DCC: variants seen among roughly 807,000 people sequenced by gnomAD.
DCC encodes the protein netrin receptor DCC.
In DCC, 58 loss-of-function variants were observed where a neutral mutation model predicts 172.5. That is an observed-to-expected ratio of 0.34 (90% CI 0.27 to 0.42). The LOEUF (loss-of-function observed/expected upper bound fraction) is 0.42. Ranked by LOEUF, DCC falls within the 10% of genes least tolerant of loss-of-function variation. DCC has a pLI of 1.00. For synonymous variants in DCC, 709 were observed against 644.5 expected, an observed-to-expected ratio of 1.10 and a Z score of -1.52; for missense variants, 1,740 against 1,791.0, an observed-to-expected ratio of 0.97 and a Z score of 0.51.
Position 52,512,604 on chromosome 18 carries a change from C to A in DCC, c.91+171726C>A, listed in dbSNP as rs1179404650. Among the ~76,000 whole-genome samples, 3 of 152,164 alleles carry A rather than the reference C, an allele frequency of 2.0e-5. No individual in the cohort carries two copies. The South Asian group carries it at 6.2e-4, about 32-fold the overall frequency. On this transcript the variant is annotated intron_variant, in intron 1 of 28. Transcript: ENST00000442544. The stretch of plus-strand genomic sequence containing the variant: ...CATTGTCATATTTCTTGAACACCTA[C>A]TATGTGCCAGATAAAAATTATGAGC...
At chr18:52,856,286 A>G (rs137911154) in intron 2 of DCC, among the ~76,000 whole-genome samples, 1 of 152,064 alleles carries the variant, frequency 6.6e-6, no homozygotes, top group Non-Finnish European at 1.5e-5. Flanking sequence ...TGTCTTTTTA[A>G]GATGTTTATG....
intron 1 of DCC, among the ~76,000 whole-genome samples, chr18:52,580,009 T>A (rs1194736846): frequency 6.6e-6 from 1 of 152,222 alleles, no homozygotes. Context: ...ATTGGACATA[T>A]GCTTTTGCAA....
intron 15 of DCC, among the ~76,000 whole-genome samples, chr18:53,371,417 C>G (rs1043585438): frequency 2.7e-4 from 41 of 151,920 alleles, no homozygotes; most frequent in African/African-American, 9.9e-4. Context: ...TAGTCAAAAG[C>G]ATGATTGCAT....
intron 1 of DCC, among the ~76,000 whole-genome samples, chr18:52,639,464 T>TG (rs2034848147): frequency 6.6e-6 from 1 of 151,528 alleles, no homozygotes; most frequent in Non-Finnish European, 1.5e-5. Flanking sequence ...CACTGAGAAA[T>TG]AAAACAGGAG....
intron 13 of DCC, among the ~76,000 whole-genome samples, chr18:53,309,564 C>G (rs12958026): frequency 1.3e-5 from 2 of 152,138 alleles, no homozygotes; most frequent in African/African-American, 4.8e-5. Context: ...ATTGTATCTT[C>G]TAATAAACTT....
intron 2 of DCC, among the ~76,000 whole-genome samples, chr18:52,820,667 T>C (rs190076140): frequency 6.6e-6 from 1 of 152,224 alleles, no homozygotes; most frequent in Admixed American, 6.5e-5. Context: ...CAGCATTAAG[T>C]TCAAATAGGA....
chr18:53,337,623 T>C (rs2144863663), intron 14 of DCC, among the ~76,000 whole-genome samples: 1 of 152,356 alleles, frequency 6.6e-6, no homozygotes, highest in Admixed American at 6.5e-5. Context: ...GCTTTCCCTT[T>C]TTGCCCACAA....
chr18:53,064,654 T>C (rs1303894336), intron 6 of DCC, among the ~76,000 whole-genome samples: 1 of 152,224 alleles, frequency 6.6e-6, no homozygotes, highest in Middle Eastern at 3.2e-3. Context: ...AAGGACATTT[T>C]ATCACTTTTA....
chr18:53,030,300 A>G (rs946557473), intron 5 of DCC, among the ~76,000 whole-genome samples: 9 of 152,182 alleles, frequency 5.9e-5, no homozygotes, highest in Non-Finnish European at 1.2e-4. Context: ...ACATCTCAGT[A>G]CATTTTCTAA....
chr18:53,441,873 C>T (rs949984667), intron 22 of DCC, among the ~76,000 whole-genome samples: 5 of 152,180 alleles, frequency 3.3e-5, no homozygotes, highest in Non-Finnish European at 5.9e-5. Flanking sequence ...TTTAAGATAA[C>T]TGAATGTAAT....
intron 12 of DCC, among the ~76,000 whole-genome samples, chr18:53,247,149 C>T (rs1000112001): frequency 6.6e-6 from 1 of 151,998 alleles, no homozygotes; most frequent in East Asian, 1.9e-4. Flanking sequence ...TGGAAGAGGA[C>T]AACCTTAGAT....
At chr18:52,885,592 C>T (rs139788500) in intron 2 of DCC, among the ~76,000 whole-genome samples, 3 of 152,144 alleles carry the variant, frequency 2.0e-5, no homozygotes, top group African/African-American at 4.8e-5. Flanking sequence ...TCCAGACATG[C>T]TATCCAAGAT....
intron 1 of DCC, among the ~76,000 whole-genome samples, chr18:52,429,051 A>C (rs1987535075): frequency 6.6e-6 from 1 of 152,038 alleles, no homozygotes; most frequent in African/African-American, 2.4e-5. Flanking sequence ...TCTGCTATCT[A>C]AACATCCCCT....
Position 53,305,860 on chromosome 18 carries a change from A to T in DCC, c.2053+141A>T, listed in dbSNP as rs372077966. 75 of 789,942 alleles carry T rather than the reference A, an allele frequency of 9.5e-5. No individual in the cohort carries two copies. In the East Asian group the frequency reaches 1.8e-3, roughly 19 times the overall value. 48.9% of individuals were successfully genotyped at this position (789,942 alleles called of 1,614,324 possible). Reference sequence around the variant, plus strand: ...ACATCTATTGGCTGGAACAAGAACAACCTTTATATTTTTAACTTTACATTC... The same window carrying T: ...ACATCTATTGGCTGGAACAAGAACATCCTTTATATTTTTAACTTTACATTC... On this transcript the variant is annotated intron_variant, in intron 13 of 28. Transcript: ENST00000442544.
rs530844390 is a variant in DCC, at chr18:53,215,621, C to T, written c.1911+24C>T. Reference sequence around the variant, plus strand: ...GAGTAAGTTGGCTAAATGTTCACTACTCCATTACCTATCAAGATTACCTAT... The same window carrying T: ...GAGTAAGTTGGCTAAATGTTCACTATTCCATTACCTATCAAGATTACCTAT... On this transcript the variant is annotated intron_variant, in intron 12 of 28. Coordinates refer to ENST00000442544, the MANE Select transcript of DCC (RefSeq NM_005215.4). The T allele has an allele frequency of 6.1e-5, 96 of 1,584,614 alleles. No individual in the cohort carries two copies. The South Asian group carries it at 9.1e-4, about 15-fold the overall frequency.
At chr18:52,870,223 A>G (rs1046448404) in intron 2 of DCC, among the ~76,000 whole-genome samples, 12 of 152,208 alleles carry the variant, frequency 7.9e-5, no homozygotes, top group African/African-American at 2.6e-4. Flanking sequence ...ACGCAGGAAC[A>G]GAGTCCGGAG....
At chr18:53,436,090 T>TCTCACATGCTTCTTAACACTGTTC (rs1225185442) in intron 22 of DCC, among the ~76,000 whole-genome samples, 1 of 152,232 alleles carries the variant, frequency 6.6e-6, no homozygotes, top group African/African-American at 2.4e-5. Flanking sequence ...GTCTGTGTTT[T>TCTCACATGCTTCTTAACACTGTTC]CTCACATGCT....
At chr18:53,431,886 CTTTA>C (rs1225698209) in intron 21 of DCC, among the ~76,000 whole-genome samples, 7 of 152,068 alleles carry the variant, frequency 4.6e-5, no homozygotes, top group African/African-American at 7.2e-5. Flanking sequence ...CCATGTTGAA[CTTTA>C]TTTGAGGGAA....
At chr18:52,562,049 G>T (rs1435135981) in intron 1 of DCC, among the ~76,000 whole-genome samples, 1 of 152,112 alleles carries the variant, frequency 6.6e-6, no homozygotes, top group Non-Finnish European at 1.5e-5. Context: ...GCAAAGTACA[G>T]ACTCTCAGGA....
Sources: gnomAD v4.1 joint callset for allele counts (sites outside exome capture counted in the v4.1 genomes callset) on GRCh38, gnomAD v4.1.1 for gene constraint, MANE v1.5 for transcripts, NCBI Gene and HGNC (gene_info 2026-07-23, HGNC 2026-07-21) for gene names.